Variants in TMEM131 observed in about 807,000 individuals in gnomAD.
The protein encoded by TMEM131 is transmembrane protein 131, also known as 2610524E03Rik.
TMEM131 carries 66 observed loss-of-function variants against 211.6 expected under a neutral mutation model. The observed-to-expected ratio is 0.31, with a 90% CI of 0.26 to 0.38. TMEM131 has a LOEUF of 0.38. Among genes scored for constraint, TMEM131 ranks in the 10% least tolerant of loss-of-function variants. The pLI is 1.00. For missense variants in TMEM131, 2,036 were observed against 2,299.3 expected, an observed-to-expected ratio of 0.89 and a Z score of 2.34; for synonymous variants, 844 against 841.3, an observed-to-expected ratio of 1.00 and a Z score of -0.06.
chr2:97,817,176 G>A (rs941310453), intron 12 of TMEM131, among the ~76,000 whole-genome samples: 2 of 152,198 alleles, frequency 1.3e-5, no homozygotes, highest in Non-Finnish European at 2.9e-5. Flanking sequence ...GAAAGATTAA[G>A]TGGGTGGTCA....
At chr2:97,926,566 T>G (rs1677001419) in intron 2 of TMEM131, among the ~76,000 whole-genome samples, 1 of 152,180 alleles carries the variant, frequency 6.6e-6, no homozygotes, top group Admixed American at 6.5e-5. Flanking sequence ...TTTTTGTGGC[T>G]TAAGTAACCA....
chr2:97,982,430 A>T (rs747758204), intron 1 of TMEM131, among the ~76,000 whole-genome samples: 5 of 152,150 alleles, frequency 3.3e-5, no homozygotes, highest in East Asian at 1.9e-4. Context: ...TATCAGATAC[A>T]TGATTTGCGA....
intron 3 of TMEM131, among the ~76,000 whole-genome samples, chr2:97,897,063 C>T (rs1303085649): frequency 6.6e-6 from 1 of 151,888 alleles, no homozygotes; most frequent in African/African-American, 2.4e-5. Flanking sequence ...AAATTTATCC[C>T]AAAGTATGCA....
chr2:97,898,262 T>A (rs1171721985), intron 3 of TMEM131, among the ~76,000 whole-genome samples: 13 of 152,186 alleles, frequency 8.5e-5, no homozygotes, highest in African/African-American at 2.7e-4. Context: ...CTATCTGATA[T>A]AAACTTTTAA....
intron 1 of TMEM131, among the ~76,000 whole-genome samples, chr2:97,977,459 T>C (rs1410658418): frequency 1.3e-5 from 2 of 152,168 alleles, no homozygotes; most frequent in African/African-American, 4.8e-5. Context: ...TACAATGAAA[T>C]GCAGGAATGC....
intron 3 of TMEM131, among the ~76,000 whole-genome samples, chr2:97,895,313 A>G (rs146434847): frequency 2.0e-5 from 3 of 152,172 alleles, no homozygotes; most frequent in Non-Finnish European, 2.9e-5. Flanking sequence ...TTCATTAGGG[A>G]TATTTGCCTG....
intron 4 of TMEM131, among the ~76,000 whole-genome samples, chr2:97,883,010 G>A (rs1378567697): frequency 6.6e-6 from 1 of 152,158 alleles, no homozygotes; most frequent in Non-Finnish European, 1.5e-5. Context: ...GCATGGTTGG[G>A]TTCTGGTGTG....
chr2:97,965,272 T>C (rs1000149668), intron 1 of TMEM131, among the ~76,000 whole-genome samples: 3 of 152,182 alleles, frequency 2.0e-5, no homozygotes, highest in Non-Finnish European at 4.4e-5. Flanking sequence ...CGAGTTCTCC[T>C]TCACCGATTA....
intron 35 of TMEM131, 84 bp from the exon 36 acceptor site, chr2:97,762,284 A>G (rs2104764070): frequency 7.3e-7 from 1 of 1,366,162 alleles, no homozygotes; most frequent in East Asian, 2.3e-5. Context: ...CTCTAAGACT[A>G]TGCATAACTC....
chr2:97,968,197 T>A (rs778907905), intron 1 of TMEM131, among the ~76,000 whole-genome samples: 1 of 152,084 alleles, frequency 6.6e-6, no homozygotes, highest in Non-Finnish European at 1.5e-5. Flanking sequence ...ACCTACTGAA[T>A]AAAAATTAAC....
intron 1 of TMEM131, among the ~76,000 whole-genome samples, chr2:97,957,821 C>T (rs993283056): frequency 6.6e-6 from 1 of 152,010 alleles, no homozygotes; most frequent in Non-Finnish European, 1.5e-5. Context: ...ATAGTAGGTG[C>T]CTTGATTATT....
chr2:97,916,235 C>G (rs1676503035), intron 2 of TMEM131, among the ~76,000 whole-genome samples: 1 of 152,296 alleles, frequency 6.6e-6, no homozygotes, highest in South Asian at 2.1e-4. Context: ...TTTCTGAACC[C>G]GCTATTTATT....
Position 97,837,154 on chromosome 2 carries a change from C to G in TMEM131, c.727G>C (p.Val243Leu), listed in dbSNP as rs1041315175. 53 of 1,589,644 alleles carry G rather than the reference C, an allele frequency of 3.3e-5. No homozygotes were observed. Among genetic ancestry groups the G allele is most frequent in the Non-Finnish European group, 4.4e-5 (52 of 1,171,970 alleles). The change falls in exon 8 of 41, where the codon GTA becomes CTA. Residue 243 changes from valine (V) to leucine (L), a missense_variant. Val to Leu is a conservative substitution (Grantham distance 32). Around this residue, in one of 3 missense-constraint regions of TMEM131, gnomAD observed 277 missense variants for 378.0 expected, o/e 0.73. Transcript: ENST00000186436. ...HNPHSEPLQVVEMYSSGGDLH... is the reference protein window; with the variant it reads ...HNPHSEPLQVLEMYSSGGDLH... ...TCTCCTCCACTAGAGTACATTTCTACAACCTGGGGCAAAAGAGCACATGAT... is the reference window on the plus strand; with the variant it reads ...TCTCCTCCACTAGAGTACATTTCTAGAACCTGGGGCAAAAGAGCACATGAT...
rs1030459488 is a variant in TMEM131 at position 97,930,282 on chromosome 2, T to C, written c.188-2795A>G. 3.3e-5 allele frequency among the ~76,000 whole-genome samples: 5 copies of C among 151,746 alleles called. 1 individual carries two copies. Among genetic ancestry groups the C allele is most frequent in the African/African-American group, 1.2e-4 (5 of 41,050 alleles). ...AGGTGGCTGCTATTAAGAGTTCCAATAGAACGACCACTGAATGAGTTCCCA... is the reference window on the plus strand; with the variant it reads ...AGGTGGCTGCTATTAAGAGTTCCAACAGAACGACCACTGAATGAGTTCCCA... On this transcript the variant is annotated intron_variant, in intron 1 of 40. Transcript: ENST00000186436.
At chr2:97,969,851 T>TA (rs373643449) in intron 1 of TMEM131, among the ~76,000 whole-genome samples, 2 of 152,222 alleles carry the variant, frequency 1.3e-5, no homozygotes, top group Non-Finnish European at 2.9e-5. Context: ...GATGTTACTG[T>TA]AAAAAATGCA....
At chr2:97,964,572 T>A (rs1678962008) in intron 1 of TMEM131, among the ~76,000 whole-genome samples, 1 of 152,204 alleles carries the variant, frequency 6.6e-6, no homozygotes, top group Admixed American at 6.5e-5. Context: ...ACATTTGAAA[T>A]ATACGTCCTT....
In TMEM131 at chr2:97,995,550, G is replaced by A. The variant is rs1490677275; in HGVS notation, c.113C>T (p.Ala38Val). Reference protein sequence around the residue: ...AAARSGGPRSAAAGLLGALHL... With the variant: ...AAARSGGPRSVAAGLLGALHL... ...CAGCGCGCCTAGGAGGCCGGCGGCC[G>A]CGCTCCGCGGGCCCCCGCTACGGGC... Residue 38 changes from alanine (A) to valine (V), a missense_variant, in exon 1 of 41, where the codon GCG (alanine) becomes GTG (valine). Coordinates refer to ENST00000186436, the MANE Select transcript of TMEM131 (RefSeq NM_015348.2). 9.8e-6 allele frequency: 13 copies of A among 1,332,348 alleles called. No individual in the cohort carries two copies. In the East Asian group the frequency reaches 4.1e-4, roughly 42 times the overall value. The allele number at this position is 1,332,348 out of a possible 1,614,324, so 82.5% of individuals were successfully genotyped here.
At chr2:97,872,154 A>T (rs181999508) in intron 4 of TMEM131, among the ~76,000 whole-genome samples, 36 of 152,310 alleles carry the variant, frequency 2.4e-4, no homozygotes, top group African/African-American at 7.7e-4. Context: ...TGTGAAACAA[A>T]TTCTACAGGA....
At chr2:97,993,813 C>A (rs1330605398) in intron 1 of TMEM131, among the ~76,000 whole-genome samples, 1 of 152,168 alleles carries the variant, frequency 6.6e-6, no homozygotes, top group Non-Finnish European at 1.5e-5. Flanking sequence ...GCTGACAGTT[C>A]TCAAACAAAA....
Sources: gnomAD v4.1 joint callset for allele counts (sites outside exome capture counted in the v4.1 genomes callset) on GRCh38, gnomAD v4.1.1 for gene constraint, gnomAD v4.1.1 regional missense constraint, MANE v1.5 for transcripts, NCBI Gene and HGNC (gene_info 2026-07-23, HGNC 2026-07-21) for gene names.